CABIN1: variants seen among roughly 807,000 people sequenced by gnomAD.
The protein encoded by CABIN1 is calcineurin-binding protein cabin-1.
Under a neutral mutation model 227.7 loss-of-function variants are expected in CABIN1, and 133 were observed. The observed-to-expected ratio is 0.58, with a 90% CI of 0.51 to 0.67. CABIN1 has a LOEUF of 0.67. Among genes scored for constraint, CABIN1 ranks in the 30% least tolerant of loss-of-function variants. The pLI is 0.00. For missense variants in CABIN1, 2,408 were observed against 2,852.5 expected (o/e 0.84, Z 3.55); for synonymous variants, 1,086 against 1,155.1 (o/e 0.94, Z 1.21).
chr22:24,062,485 G>T (rs983170689), intron 13 of CABIN1, among the ~76,000 whole-genome samples: 1 of 151,584 alleles, frequency 6.6e-6, no homozygotes, highest in Non-Finnish European at 1.5e-5. Flanking sequence ...AGCCTCCCGA[G>T]GAGCTGGGAC....
chr22:24,049,359 T>C (rs1300849635), intron 7 of CABIN1, 139 bp downstream of exon 7: 6 of 1,052,972 alleles, frequency 5.7e-6, no homozygotes, highest in Non-Finnish European at 8.5e-6. Flanking sequence ...CCGCAGCCCC[T>C]GATCTAGTGA....
At position 24,030,161 on chromosome 22, in the gene CABIN1, G is replaced by C. The variant is rs551421421; in HGVS notation, c.-74-5283G>C. Among the ~76,000 whole-genome samples, 7 of 152,270 alleles carry C rather than the reference G, an allele frequency of 4.6e-5. No homozygotes were observed. The East Asian group carries it at 1.4e-3, about 29-fold the overall frequency. On this transcript the variant is annotated intron_variant, in intron 1 of 36. Coordinates refer to ENST00000263119, the MANE Select transcript of CABIN1 (RefSeq NM_012295.4). ...CCTGAGCAAATACAATTTATTCTAT[G>C]GCCATCAGCAAACCTGTTCGGAGCT...
intron 26 of CABIN1, among the ~76,000 whole-genome samples, chr22:24,104,957 C>T (rs2042428321): frequency 6.6e-6 from 1 of 152,180 alleles, no homozygotes; most frequent in African/African-American, 2.4e-5. Flanking sequence ...AACAAATGGC[C>T]GTGAGCTGTT....
intron 29 of CABIN1, among the ~76,000 whole-genome samples, chr22:24,141,586 C>G (rs1445664596): frequency 6.6e-6 from 1 of 152,202 alleles, no homozygotes; most frequent in African/African-American, 2.4e-5. Flanking sequence ...CTCCCACCAG[C>G]CCTTGCCCCA....
chr22:24,157,007 A>T (rs1053264143), intron 29 of CABIN1, among the ~76,000 whole-genome samples: 1 of 152,016 alleles, frequency 6.6e-6, no homozygotes, highest in Non-Finnish European at 1.5e-5. Context: ...TTACCTGTGG[A>T]TGGCGCGGGG....
chr22:24,169,792 C>T (rs2046681293), intron 33 of CABIN1, among the ~76,000 whole-genome samples: 1 of 152,208 alleles, frequency 6.6e-6, no homozygotes, highest in African/African-American at 2.4e-5. Context: ...AAGATAGACC[C>T]ACACAGGAAA....
rs1309943482 is a variant in CABIN1, at chr22:24,091,772, G to A, written c.3715G>A (p.Glu1239Lys). 1.9e-6 allele frequency: 3 copies of A among 1,613,926 alleles called. No individual in the cohort carries two copies. The highest frequency in any genetic ancestry group is 1.3e-5 in the African/African-American group (1 of 75,022). ...CAGGCAGGCTGGCCACTACCTGCAC[G>A]AGGAGGCTGCCCGCTACCCCAAGAA... ...HYRQAGHYLH[E>K]EAARYPKKIH... Residue 1239 changes from glutamate to lysine, a missense_variant, in exon 24 of 37, where the codon GAG becomes AAG. Glu to Lys is a moderately conservative substitution (Grantham distance 56). Coordinates refer to ENST00000263119, the MANE Select transcript of CABIN1 (RefSeq NM_012295.4).
At chr22:24,174,576 C>T (rs980929798) in intron 34 of CABIN1, among the ~76,000 whole-genome samples, 1 of 152,122 alleles carries the variant, frequency 6.6e-6, no homozygotes, top group African/African-American at 2.4e-5. Flanking sequence ...CCCATGCTCT[C>T]GTCTTGTAGT....
chr22:24,128,339 A>G (rs555347598), intron 28 of CABIN1, among the ~76,000 whole-genome samples: 49 of 152,272 alleles, frequency 3.2e-4, no homozygotes, highest in African/African-American at 1.1e-3. Flanking sequence ...CTAACTCCTT[A>G]ATATTTGGCT....
intron 29 of CABIN1, among the ~76,000 whole-genome samples, chr22:24,159,259 C>T (rs2148600940): frequency 6.6e-6 from 1 of 152,354 alleles, no homozygotes; most frequent in East Asian, 1.9e-4. Flanking sequence ...TGTGGCAGGG[C>T]AGCTATTCCC....
chr22:24,105,778 C>G (rs1401479905), intron 26 of CABIN1, among the ~76,000 whole-genome samples: 4 of 152,230 alleles, frequency 2.6e-5, no homozygotes, highest in Non-Finnish European at 5.9e-5. Context: ...AGCCCCTCCA[C>G]AGAAAAACAG....
rs112402376 is a variant in CABIN1, at chr22:24,064,327, T to C, written c.2037+140T>C. ...TTCAAGGGATTCTCCTGCCTCAGCC[T>C]CCTGAGTAGCTGGGATTACGGGTGC... On this transcript the variant is annotated intron_variant, in intron 15 of 36. Transcript: ENST00000263119. 46,429 of 930,030 alleles carry C rather than the reference T, an allele frequency of 0.05. 1,565 individuals are homozygous for C. The highest frequency in any genetic ancestry group is 0.057 in the Non-Finnish European group (33,993 of 594,290). The allele number at this position is 930,030 out of a possible 1,614,324, so 57.6% of individuals were successfully genotyped here.
intron 26 of CABIN1, among the ~76,000 whole-genome samples, chr22:24,109,037 C>T (rs2042665977): frequency 6.6e-6 from 1 of 152,126 alleles, no homozygotes; most frequent in South Asian, 2.1e-4. Context: ...TTAATCATAA[C>T]AGTTCTGTGA....
chr22:24,136,907 C>T (rs1009084382), intron 29 of CABIN1, among the ~76,000 whole-genome samples: 5 of 152,094 alleles, frequency 3.3e-5, no homozygotes, highest in Non-Finnish European at 5.9e-5. Context: ...AATAAGAACT[C>T]TTTATATATC....
chr22:24,165,533 GT>G lies in CABIN1; in HGVS notation c.4915del (p.Tyr1639IlefsTer19), dbSNP rs760537525. 6.2e-7 allele frequency: 1 copy of G among 1,612,440 alleles called. No individual in the cohort carries two copies. Among genetic ancestry groups the G allele is most frequent in the Non-Finnish European group, 8.5e-7 (1 of 1,179,700 alleles). On this transcript the variant is annotated frameshift_variant, in exon 31 of 37. Coordinates refer to ENST00000263119, the MANE Select transcript of CABIN1 (RefSeq NM_012295.4). LOFTEE classifies it high-confidence loss of function. The part of the protein sequence containing the change: ...LQRTPDQGKK[Y>X]LRDADRQVLA... Reference sequence around the variant, plus strand: ...GACTACCCCTGTATGACCGCAGGAAGTATCTGCGAGATGCTGACCGCCAGGT... The same window carrying G: ...GACTACCCCTGTATGACCGCAGGAAGATCTGCGAGATGCTGACCGCCAGGT...
At chr22:24,098,220 G>T (rs368952728) in intron 26 of CABIN1, 28 bp downstream of exon 26, 41 of 1,609,718 alleles carry the variant, frequency 2.5e-5, no homozygotes, top group Admixed American at 6.7e-5. Context: ...CCTACTGCCA[G>T]CCCAGGGCGG....
At chr22:24,052,937 G>T (rs1425748697) in intron 8 of CABIN1, among the ~76,000 whole-genome samples, 1 of 152,126 alleles carries the variant, frequency 6.6e-6, no homozygotes, top group Non-Finnish European at 1.5e-5. Context: ...AACCCAGCCA[G>T]TAAGCAAATT....
At chr22:24,156,591 C>G in intron 29 of CABIN1, 1 of 152,388 alleles carries the variant, frequency 6.6e-6, no homozygotes, top group Non-Finnish European at 1.5e-5. Context: ...GCTGGCCGCC[C>G]GGCCGGGTGG....
chr22:24,063,900 G>A (rs2039386271), intron 14 of CABIN1, 135 bp from the exon 15 acceptor site: 1 of 999,876 alleles, frequency 1.0e-6, no homozygotes, highest in South Asian at 1.3e-5. Flanking sequence ...GCCTTTCTTA[G>A]GGGGGTACAG....
Sources: gnomAD v4.1 joint callset for allele counts (sites outside exome capture counted in the v4.1 genomes callset) on GRCh38, gnomAD v4.1.1 for gene constraint, MANE v1.5 for transcripts, NCBI Gene and HGNC (gene_info 2026-07-23, HGNC 2026-07-21) for gene names.